Variants in BLTP3B observed in about 807,000 individuals in gnomAD.
BLTP3B encodes UHRF1 (ICBP90) binding protein 1-like.
At chr12:100,109,767 GA>G in the BLTP3B span, among the ~76,000 whole-genome samples, 45,993 of 111,456 alleles carry the variant, frequency 0.41, 9,879 homozygotes, top group African/African-American at 0.68. Flanking sequence ...CCCTGTCTCA[GA>G]AAAAAAAAAA....
chr12:100,132,961 A>C, the BLTP3B span, among the ~76,000 whole-genome samples: 252 of 143,706 alleles, frequency 1.8e-3, 3 homozygotes, highest in East Asian at 0.037. Context: ...ATAAATAAAT[A>C]GGCCGGGCGT....
the BLTP3B span, among the ~76,000 whole-genome samples, chr12:100,063,171 G>A: frequency 1.3e-5 from 2 of 152,086 alleles, no homozygotes; most frequent in African/African-American, 4.8e-5. Flanking sequence ...AATAAATCAG[G>A]AAAACTGGGA....
the BLTP3B span, among the ~76,000 whole-genome samples, chr12:100,083,471 A>G: frequency 6.6e-6 from 1 of 152,186 alleles, no homozygotes. Context: ...ATTAGTGAAT[A>G]CAAAGGTATA....
the BLTP3B span, among the ~76,000 whole-genome samples, chr12:100,104,963 TAC>T: frequency 7.1e-6 from 1 of 141,308 alleles, no homozygotes; most frequent in African/African-American, 2.6e-5. Flanking sequence ...CATGGAGAAC[TAC>T]AAAACACTGT....
At chr12:100,065,134 C>T in the BLTP3B span, among the ~76,000 whole-genome samples, 1 of 152,004 alleles carries the variant, frequency 6.6e-6, no homozygotes, top group Non-Finnish European at 1.5e-5. Context: ...TTATCACTTC[C>T]CTAATAATAT....
At chr12:100,124,799 G>A in the BLTP3B span, among the ~76,000 whole-genome samples, 1 of 150,802 alleles carries the variant, frequency 6.6e-6, no homozygotes, top group Non-Finnish European at 1.5e-5. Context: ...GCACACACCT[G>A]TAGTCCTAGC....
the BLTP3B span, chr12:100,037,465 G>C: frequency 7.1e-7 from 1 of 1,415,910 alleles, no homozygotes; most frequent in Non-Finnish European, 9.1e-7. Context: ...TGTAATGCCC[G>C]TACTAATACT....
the BLTP3B span, among the ~76,000 whole-genome samples, chr12:100,112,713 A>C: frequency 2.6e-5 from 4 of 152,252 alleles, no homozygotes; most frequent in East Asian, 7.7e-4. Flanking sequence ...TAATTTGGTT[A>C]AGGGAACAGA....
chr12:100,130,235 C>T, the BLTP3B span, among the ~76,000 whole-genome samples: 1 of 152,206 alleles, frequency 6.6e-6, no homozygotes, highest in African/African-American at 2.4e-5. Flanking sequence ...GCTAGGATTA[C>T]AGGTGTGACC....
At chr12:100,104,204 CTTTTTTTTTT>C in the BLTP3B span, among the ~76,000 whole-genome samples, 18 of 131,656 alleles carry the variant, frequency 1.4e-4, no homozygotes, top group Non-Finnish European at 2.3e-4. Flanking sequence ...TTCTTTTTTT[CTTTTTTTTTT>C]TTTTTTTTGA....
At chr12:100,091,136 C>T in the BLTP3B span, among the ~76,000 whole-genome samples, 1 of 149,024 alleles carries the variant, frequency 6.7e-6, no homozygotes, top group Non-Finnish European at 1.5e-5. Context: ...AAGTGATTTT[C>T]CTCCCAAGTA....
chr12:100,070,048 A>G, the BLTP3B span: 1 of 1,388,666 alleles, frequency 7.2e-7, no homozygotes, highest in African/African-American at 1.5e-5. Flanking sequence ...GAGAAAAAAC[A>G]ATGAATTTAG....
chr12:100,140,704 C>CAAAAAAAAA, the BLTP3B span, among the ~76,000 whole-genome samples: 3 of 33,778 alleles, frequency 8.9e-5, no homozygotes, highest in Non-Finnish European at 9.1e-5. Flanking sequence ...GACTCTGTCT[C>CAAAAAAAAA]AAAAAAAAAA....
At chr12:100,059,000 C>G in the BLTP3B span, 1 of 1,614,102 alleles carries the variant, frequency 6.2e-7, no homozygotes, top group Non-Finnish European at 8.5e-7. Flanking sequence ...ATCGGCCAGC[C>G]AGATCACTAG....
the BLTP3B span, chr12:100,095,804 C>G: frequency 1.2e-6 from 2 of 1,611,360 alleles, no homozygotes; most frequent in Non-Finnish European, 1.7e-6. Context: ...AATATTAGAA[C>G]TAACTTTGTT....
chr12:100,037,451 A>G, the BLTP3B span: 7 of 1,351,272 alleles, frequency 5.2e-6, no homozygotes, highest in East Asian at 2.0e-4. Context: ...AACAACCAAA[A>G]GATTGTAATG....
chr12:100,112,719 A>T, the BLTP3B span, among the ~76,000 whole-genome samples: 7 of 152,194 alleles, frequency 4.6e-5, no homozygotes, highest in Non-Finnish European at 1.5e-5. Context: ...GGTTAAGGGA[A>T]CAGAGAATAA....
the BLTP3B span, chr12:100,058,832 G>A: frequency 6.2e-7 from 1 of 1,613,968 alleles, no homozygotes; most frequent in Non-Finnish European, 8.5e-7. Flanking sequence ...TCTGCATACT[G>A]ACATGTTTAT....
chr12:100,087,158 C>CAAAAA, the BLTP3B span, among the ~76,000 whole-genome samples: 289 of 59,678 alleles, frequency 4.8e-3, 9 homozygotes, highest in African/African-American at 0.013. Context: ...GACTCCATCT[C>CAAAAA]AAAAAAAAAA....
Sources: gnomAD v4.1 joint callset for allele counts (sites outside exome capture counted in the v4.1 genomes callset) on GRCh38, gnomAD v4.1.1 for gene constraint, MANE v1.5 for transcripts, NCBI Gene and HGNC (gene_info 2026-07-23, HGNC 2026-07-21) for gene names.